GAK: variants seen among roughly 807,000 people sequenced by gnomAD.
GAK encodes the protein cyclin G associated kinase, also known as cyclin-G-associated kinase.
A neutral mutation model predicts 143.9 loss-of-function variants in GAK; 79 were observed. The observed-to-expected ratio is 0.55, with a 90% CI of 0.46 to 0.66. GAK has a LOEUF of 0.66. Ranked by LOEUF, GAK falls within the 30% of genes least tolerant of loss-of-function variation. GAK has a pLI of 0.00. For synonymous variants in GAK, 881 were observed against 765.5 expected, an observed-to-expected ratio of 1.15 and a Z score of -2.49; for missense variants, 1,693 against 1,779.7, an observed-to-expected ratio of 0.95 and a Z score of 0.88.
intron 24 of GAK, among the ~76,000 whole-genome samples, chr4:858,582 C>G (rs1749701038): frequency 6.6e-6 from 1 of 152,224 alleles, no homozygotes; most frequent in African/African-American, 2.4e-5. Context: ...CAGAAACGCT[C>G]ATGGATGTCC....
chr4:849,827 GGGCAGGACC>G, intron 27 of GAK, 53 bp from the exon 28 acceptor site: 1 of 1,410,380 alleles, frequency 7.1e-7, no homozygotes, highest in Non-Finnish European at 9.7e-7. Context: ...GGGGCGGGCG[GGGCAGGACC>G]CCCCCCCCGC....
chr4:911,591 C>T, intron 4 of GAK, 82 bp downstream of exon 4: 1 of 915,502 alleles, frequency 1.1e-6, no homozygotes, highest in African/African-American at 1.7e-5. Context: ...GCATGTTTCA[C>T]AGCCATGCAG....
intron 1 of GAK, among the ~76,000 whole-genome samples, chr4:919,473 A>G (rs529965147): frequency 3.9e-5 from 6 of 152,246 alleles, no homozygotes; most frequent in African/African-American, 1.4e-4. Flanking sequence ...CTCCAGCCGC[A>G]CCCCGCATTT....
At position 882,604 on chromosome 4, in the gene GAK, C is replaced by T. The variant is rs1042979186; in HGVS notation, c.1527+93G>A. 2.7e-6 allele frequency: 4 copies of T among 1,489,314 alleles called. No homozygotes were observed. The African/African-American group carries it at 4.1e-5, about 15-fold the overall frequency. The allele number at this position is 1,489,314 out of a possible 1,614,324, so 92.3% of individuals were successfully genotyped here. A position where few individuals can be genotyped will look rare whatever the true frequency, so the allele number is the denominator to read the frequency against. ...GTGTCCCAGGGTGAAGAACAGGCCCCAGCTCATGACTGGCGCTCAGATCCT... is the reference window on the plus strand; with the variant it reads ...GTGTCCCAGGGTGAAGAACAGGCCCTAGCTCATGACTGGCGCTCAGATCCT... On this transcript the variant is annotated intron_variant, in intron 14 of 27. Coordinates refer to ENST00000314167, the MANE Select transcript of GAK (RefSeq NM_005255.4).
At chr4:872,283 C>G (rs1415793684) in intron 18 of GAK, 2 of 152,270 alleles carry the variant, frequency 1.3e-5, no homozygotes, top group Non-Finnish European at 2.9e-5. Flanking sequence ...AGAGCAGCGC[C>G]CCCTCAATGC....
At chr4:893,192 C>G (rs147191923) in intron 9 of GAK, among the ~76,000 whole-genome samples, 185 bp downstream of exon 9, 112 of 148,618 alleles carry the variant, frequency 7.5e-4, no homozygotes, top group African/African-American at 2.7e-3. Context: ...TGCGGGGGAT[C>G]TGGGGCTCAC....
chr4:851,855 C>T lies in GAK; in HGVS notation c.3403G>A (p.Ala1135Thr). 1 of 1,608,666 alleles carries T rather than the reference C, an allele frequency of 6.2e-7. No individual in the cohort carries two copies. The highest frequency in any genetic ancestry group is 8.5e-7 in the Non-Finnish European group (1 of 1,176,746). The change falls in exon 25 of 28, where the codon GCC becomes ACC. Residue 1135 changes from alanine (A) to threonine (T), a missense_variant. By Grantham distance (58) the Ala-to-Thr change is moderately conservative. Transcript: ENST00000314167. ...GTGCAGGCTTTGGGGGGCGGCTTGG[C>T]CTGAGGGGGCCATGAGGCGCCCTGG... is the stretch of plus-strand genomic sequence containing the variant. ...PAQGASWPPQ[A>T]KPPPKACTQP... is the part of the protein sequence containing the mutation.
At chr4:928,992 T>A (rs1725262817) in intron 1 of GAK, among the ~76,000 whole-genome samples, 1 of 148,176 alleles carries the variant, frequency 6.7e-6, no homozygotes, top group Non-Finnish European at 1.5e-5. Flanking sequence ...GAACTCCCGA[T>A]CTCAGGTAAT....
chr4:860,835 C>A (rs1001525430), intron 23 of GAK, among the ~76,000 whole-genome samples: 10 of 152,250 alleles, frequency 6.6e-5, no homozygotes, highest in African/African-American at 2.4e-4. Context: ...ACATCGTGCA[C>A]TGTGCCTCCC....
chr4:891,173 C>A (rs555564294), intron 9 of GAK, among the ~76,000 whole-genome samples: 3 of 152,088 alleles, frequency 2.0e-5, no homozygotes, highest in African/African-American at 7.2e-5. Flanking sequence ...GTTGCCCAGG[C>A]TGGTCTTGAA....
At chr4:876,349 G>T (rs1211027358) in intron 18 of GAK, among the ~76,000 whole-genome samples, 181 bp downstream of exon 18, 1 of 152,170 alleles carries the variant, frequency 6.6e-6, no homozygotes, top group African/African-American at 2.4e-5. Flanking sequence ...CAGCCACCGG[G>T]TCCACCCCAG....
At chr4:851,454 A>C in intron 25 of GAK, 2 of 521,864 alleles carry the variant, frequency 3.8e-6, no homozygotes, top group Non-Finnish European at 6.8e-6. Flanking sequence ...GCCCCCGGGA[A>C]CAGGGCTACC....
Position 859,636 on chromosome 4 carries a change from C to A in GAK, c.3253G>T (p.Asp1085Tyr). The A allele has an allele frequency of 6.2e-7, 1 of 1,600,134 alleles. No individual in the cohort carries two copies. Among genetic ancestry groups the A allele is most frequent in the South Asian group, 1.1e-5 (1 of 90,752 alleles). Reference protein sequence around the residue: ...TKSQNPDPFADLGDLSSGLQG... With the variant: ...TKSQNPDPFAYLGDLSSGLQG... ...AGGCCGGAGCTGAGGTCGCCAAGGT[C>A]AGCAAATGGGTCCGGGTTCTGAGAC... The change falls in exon 24 of 28, where the codon GAC (aspartate) becomes TAC (tyrosine). Residue 1085 changes from aspartate to tyrosine, a missense_variant. Transcript: ENST00000314167.
intron 5 of GAK, among the ~76,000 whole-genome samples, chr4:904,370 T>C (rs572973189): frequency 3.1e-4 from 44 of 141,156 alleles, no homozygotes; most frequent in Middle Eastern, 3.8e-3. Context: ...ACAGAGGCCT[T>C]GGCAGCCGCG....
At chr4:874,001 A>T (rs80255154) in intron 18 of GAK, among the ~76,000 whole-genome samples, 9,280 of 152,060 alleles carry the variant, frequency 0.061, 326 homozygotes, top group Middle Eastern at 0.11. Context: ...TTCATCACAT[A>T]TTTTTTGTTC....
intron 16 of GAK, 107 bp from the exon 17 acceptor site, chr4:877,314 T>C: frequency 1.3e-6 from 1 of 797,194 alleles, no homozygotes. Flanking sequence ...AAATGTGTAA[T>C]AACCAATAAA....
chr4:869,980 C>G (rs907119117), intron 19 of GAK: 1 of 152,450 alleles, frequency 6.6e-6, no homozygotes, highest in Non-Finnish European at 1.5e-5. Context: ...ACACACAGCA[C>G]ATACCGATGC....
At chr4:849,832 G>GGTGGGGGGGGGGGC in intron 27 of GAK, 58 bp from the exon 28 acceptor site, 1 of 1,256,602 alleles carries the variant, frequency 8.0e-7, no homozygotes, top group Non-Finnish European at 1.1e-6. Context: ...GGGCGGGGCA[G>GGTGGGGGGGGGGGC]GACCCCCCCC....
chr4:860,694 G>C (rs1459559585), intron 23 of GAK, among the ~76,000 whole-genome samples: 1 of 151,668 alleles, frequency 6.6e-6, no homozygotes, highest in Non-Finnish European at 1.5e-5. Flanking sequence ...GGCGCACCTC[G>C]CACTGTGCAC....
Sources: gnomAD v4.1 joint callset for allele counts (sites outside exome capture counted in the v4.1 genomes callset) on GRCh38, gnomAD v4.1.1 for gene constraint, MANE v1.5 for transcripts, NCBI Gene and HGNC (gene_info 2026-07-23, HGNC 2026-07-21) for gene names.